Variants in SPATA7 observed in about 807,000 individuals in gnomAD.
SPATA7 encodes the protein spermatogenesis-associated protein 7.
SPATA7 carries 43 observed loss-of-function variants against 51.8 expected under a neutral mutation model. That is an observed-to-expected ratio of 0.83 (90% CI 0.65 to 1.07). The LOEUF (loss-of-function observed/expected upper bound fraction) is 1.07. SPATA7 is among the 50% of genes least tolerant of loss of function. The pLI, the probability that SPATA7 is intolerant of heterozygous loss-of-function variation, is 0.00. For synonymous variants in SPATA7, 230 were observed against 252.8 expected, an observed-to-expected ratio of 0.91 and a Z score of 0.86; for missense variants, 683 against 701.3, an observed-to-expected ratio of 0.97 and a Z score of 0.30.
At chr14:88,445,329 T>A (rs564574301) in intron 3 of SPATA7, among the ~76,000 whole-genome samples, 2 of 151,628 alleles carry the variant, frequency 1.3e-5, no homozygotes, top group East Asian at 1.9e-4. Context: ...TTTTGTACAT[T>A]GATTTTGTAT....
At chr14:88,395,868 C>CT (rs937295619) in intron 3 of SPATA7, among the ~76,000 whole-genome samples, 6 of 151,778 alleles carry the variant, frequency 4.0e-5, no homozygotes, top group African/African-American at 1.2e-4. Context: ...TTCCATTTTG[C>CT]TTTTTTTTCC....
chr14:88,388,391 C>T (rs909820783), intron 1 of SPATA7, among the ~76,000 whole-genome samples: 5 of 152,166 alleles, frequency 3.3e-5, no homozygotes, highest in African/African-American at 1.2e-4. Flanking sequence ...GTGAATTTCA[C>T]CACTAAGACC....
intron 3 of SPATA7, among the ~76,000 whole-genome samples, chr14:88,448,813 G>A (rs1445375560): frequency 6.6e-6 from 1 of 152,112 alleles, no homozygotes; most frequent in African/African-American, 2.4e-5. Context: ...CAGGGGTCAG[G>A]GACCTACTTG....
At chr14:88,462,682 C>T (rs766487598) in intron 4 of SPATA7, among the ~76,000 whole-genome samples, 5 of 152,124 alleles carry the variant, frequency 3.3e-5, no homozygotes, top group Admixed American at 6.6e-5. Context: ...ACCACATTGT[C>T]GATTCAGAGC....
intron 3 of SPATA7, among the ~76,000 whole-genome samples, chr14:88,448,124 A>G (rs1410861372): frequency 2.0e-5 from 3 of 152,112 alleles, no homozygotes; most frequent in South Asian, 2.1e-4. Flanking sequence ...AGGTACACCA[A>G]TCAGACGTAG....
intron 4 of SPATA7, among the ~76,000 whole-genome samples, chr14:88,398,924 C>T (rs1446165446): frequency 3.3e-5 from 5 of 151,328 alleles, no homozygotes; most frequent in South Asian, 2.1e-4. Context: ...TGGTGGCAGG[C>T]GCCTGTAGTC....
In SPATA7 at chr14:88,433,230, T is replaced by C. The variant is rs1190684126; in HGVS notation, c.1160+18T>C. On this transcript the variant is annotated intron_variant, in intron 10 of 11. Coordinates refer to ENST00000393545, the MANE Select transcript of SPATA7 (RefSeq NM_018418.5). ...TCAAACAGGTTAGTTTTTTTAATGG[T>C]GTTATGTTAATTCAGGAGTACATTA... 14 of 1,524,436 alleles carry C rather than the reference T, an allele frequency of 9.2e-6. No homozygotes were observed. Among genetic ancestry groups the C allele is most frequent in the Non-Finnish European group, 1.3e-5 (14 of 1,103,144 alleles). The allele number at this position is 1,524,436 out of a possible 1,614,324, so 94.4% of individuals were successfully genotyped here.
intron 3 of SPATA7, among the ~76,000 whole-genome samples, chr14:88,443,852 A>C (rs1253670978): frequency 1.3e-5 from 2 of 152,182 alleles, no homozygotes; most frequent in African/African-American, 4.8e-5. Flanking sequence ...CATGGTGTGT[A>C]TGTGCCACAT....
intron 9 of SPATA7, among the ~76,000 whole-genome samples, chr14:88,432,455 G>A (rs1370671931): frequency 2.0e-5 from 3 of 152,028 alleles, no homozygotes; most frequent in African/African-American, 4.8e-5. Context: ...AAAATCAAAC[G>A]TACAATAATA....
intron 4 of SPATA7, among the ~76,000 whole-genome samples, chr14:88,399,071 A>G (rs1474294669): frequency 6.6e-6 from 1 of 152,162 alleles, no homozygotes; most frequent in African/African-American, 2.4e-5. Flanking sequence ...AAAAAAGAAA[A>G]AAAAGTAAAT....
At chr14:88,407,228 C>T (rs2076223547) in intron 4 of SPATA7, among the ~76,000 whole-genome samples, 1 of 152,212 alleles carries the variant, frequency 6.6e-6, no homozygotes, top group Admixed American at 6.5e-5. Context: ...TTTACAGTCC[C>T]ACTAACAGTG....
intron 10 of SPATA7, 102 bp downstream of exon 10, chr14:88,433,314 G>T: frequency 1.3e-6 from 1 of 799,046 alleles, no homozygotes; most frequent in Non-Finnish European, 2.0e-6. Flanking sequence ...TCCCATATTA[G>T]GAAATGAAAA....
At chr14:88,424,818 G>A (rs947028571) in intron 5 of SPATA7, among the ~76,000 whole-genome samples, 15 of 152,032 alleles carry the variant, frequency 9.9e-5, no homozygotes, top group African/African-American at 3.6e-4. Context: ...CTTGTATTTG[G>A]AATAAGGTTA....
At chr14:88,387,640 C>T (rs1023436105) in intron 1 of SPATA7, among the ~76,000 whole-genome samples, 1 of 152,116 alleles carries the variant, frequency 6.6e-6, no homozygotes, top group Non-Finnish European at 1.5e-5. Context: ...GTAAGGCAAG[C>T]CTTCTAAATG....
chr14:88,395,043 T>C (rs1306555708), intron 3 of SPATA7, among the ~76,000 whole-genome samples: 2 of 152,142 alleles, frequency 1.3e-5, no homozygotes, highest in Admixed American at 1.3e-4. Context: ...GATATTTTTT[T>C]CCCAATCTGT....
intron 3 of SPATA7, among the ~76,000 whole-genome samples, chr14:88,452,692 T>C (rs989958817): frequency 6.6e-6 from 1 of 152,188 alleles, no homozygotes; most frequent in Non-Finnish European, 1.5e-5. Context: ...CTGCCTCCTA[T>C]CTACCATCTT....
intron 1 of SPATA7, 135 bp downstream of exon 1, chr14:88,385,972 G>C: frequency 6.6e-7 from 1 of 1,526,704 alleles, no homozygotes; most frequent in Non-Finnish European, 8.8e-7. Flanking sequence ...CGCCAGTGTT[G>C]CCTGGAGCTG....
chr14:88,429,320 A>G (rs774898256), intron 7 of SPATA7, 28 bp from the exon 8 acceptor site: 5 of 1,393,744 alleles, frequency 3.6e-6, no homozygotes, highest in Admixed American at 1.7e-5. Flanking sequence ...TTAAGCAAAA[A>G]TAAATATTTT....
intron 1 of SPATA7, among the ~76,000 whole-genome samples, chr14:88,387,726 A>T (rs1173553302): frequency 6.6e-6 from 1 of 152,192 alleles, no homozygotes; most frequent in East Asian, 1.9e-4. Flanking sequence ...CTAACTAGGT[A>T]ATCTTCAGCA....
Sources: gnomAD v4.1 joint callset for allele counts (sites outside exome capture counted in the v4.1 genomes callset) on GRCh38, gnomAD v4.1.1 for gene constraint, MANE v1.5 for transcripts, NCBI Gene and HGNC (gene_info 2026-07-23, HGNC 2026-07-21) for gene names.